LCT: variants seen among roughly 807,000 people sequenced by gnomAD.
LCT encodes lactase, also known as lactase/phlorizin hydrolase.
LCT carries 90 observed loss-of-function variants against 173.0 expected under a neutral mutation model. The observed-to-expected ratio is 0.52, with a 90% confidence interval of 0.44 to 0.62. LCT has a LOEUF of 0.62. Among genes scored for constraint, LCT ranks in the 20% least tolerant of loss-of-function variants. LCT has a pLI of 0.00. For missense variants in LCT, 1,864 were observed against 2,431.4 expected, an observed-to-expected ratio of 0.77 and a Z score of 4.91; for synonymous variants, 853 against 957.6, an observed-to-expected ratio of 0.89 and a Z score of 2.02.
intron 16 of LCT, 67 bp downstream of exon 16, chr2:135,789,504 A>G: frequency 9.1e-7 from 1 of 1,097,124 alleles, no homozygotes; most frequent in Admixed American, 1.8e-5. Context: ...AAGAAAACAG[A>G]CTGAGAGAGG....
intron 9 of LCT, among the ~76,000 whole-genome samples, chr2:135,806,105 C>T (rs368535043): frequency 3.9e-5 from 6 of 152,134 alleles, no homozygotes; most frequent in African/African-American, 1.4e-4. Context: ...CCTGCCTCAG[C>T]CTCCCGAGTA....
At position 135,830,279 on chromosome 2, in the gene LCT, TC is replaced by T. The variant is rs1196409966; in HGVS notation, c.721-604del. Among the ~76,000 whole-genome samples, 6 of 152,188 alleles carry T rather than the reference TC, an allele frequency of 3.9e-5. No individual in the cohort carries two copies. The East Asian group carries it at 9.7e-4, about 25-fold the overall frequency. On this transcript the variant is annotated intron_variant, in intron 2 of 16. Transcript: ENST00000264162. ...ATGGTCCTGGTCGTCGACACCCCCATCCACACTTCTGATGAGGATGTCCCCT... is the reference window on the plus strand; with the variant it reads ...ATGGTCCTGGTCGTCGACACCCCCATCACACTTCTGATGAGGATGTCCCCT...
At chr2:135,792,975 C>G (rs1416545826) in intron 14 of LCT, among the ~76,000 whole-genome samples, 1 of 152,176 alleles carries the variant, frequency 6.6e-6, no homozygotes, top group African/African-American at 2.4e-5. Flanking sequence ...GTGCCACCTC[C>G]TCTCTTGAAA....
At chr2:135,803,042 G>A (rs985596788) in intron 11 of LCT, among the ~76,000 whole-genome samples, 2 of 152,160 alleles carry the variant, frequency 1.3e-5, no homozygotes, top group Admixed American at 1.3e-4. Flanking sequence ...AGCCCAGGAG[G>A]TGGAGGTTGC....
Position 135,800,593 on chromosome 2 carries a change from G to A in LCT, c.4866+14C>T, listed in dbSNP as rs778503426. ...GGACAAGAGTAAGAACAAGCGCCCA[G>A]AGGAAAAACAGACCTGAACATATCT... On this transcript the variant is annotated intron_variant, in intron 12 of 16. Coordinates refer to ENST00000264162, the MANE Select transcript of LCT (RefSeq NM_002299.4). The A allele has an allele frequency of 2.5e-6, 4 of 1,604,022 alleles. No individual in the cohort carries two copies. The highest frequency in any genetic ancestry group is 2.2e-5 in the East Asian group (1 of 44,864).
intron 13 of LCT, among the ~76,000 whole-genome samples, chr2:135,797,734 C>T (rs1441141564): frequency 6.6e-6 from 1 of 152,084 alleles, no homozygotes; most frequent in Non-Finnish European, 1.5e-5. Flanking sequence ...TTCACACGTG[C>T]GGTGATGAAA....
rs745994855 is a variant in LCT at position 135,799,479 on chromosome 2, C to CT, written c.4866+1127dup. On this transcript the variant is annotated intron_variant, in intron 12 of 16. Transcript: ENST00000264162. ...GGTAGGCCATGCTGGCACCTGCTTCCTTTTTTTTTTTTTTTGGAGATGGAG... is the reference window on the plus strand; with the variant it reads ...GGTAGGCCATGCTGGCACCTGCTTCCTTTTTTTTTTTTTTTTGGAGATGGAG... Among the ~76,000 whole-genome samples the CT allele has an allele frequency of 4.6e-3, 659 of 142,284 alleles. 2 individuals are homozygous for CT. The highest frequency in any genetic ancestry group is 0.011 in the African/African-American group (415 of 38,998). The allele number at this position is 142,284 out of a possible 152,430, so 93.3% of individuals were successfully genotyped here.
intron 6 of LCT, among the ~76,000 whole-genome samples, chr2:135,816,272 G>A (rs760294997): frequency 5.9e-5 from 9 of 152,174 alleles, no homozygotes; most frequent in African/African-American, 1.2e-4. Context: ...CTCAGTGAGC[G>A]TATTGAGGAG....
chr2:135,804,000 C>T lies in LCT; in HGVS notation c.4593G>A (p.Lys1531=), dbSNP rs2077648096. Residue 1531 remains lysine, a synonymous_variant, in exon 11 of 17, where the codon AAG becomes AAA. Transcript: ENST00000264162. ...AGGGCTCATTCAGCGTGATCCAAAA[C>T]TTCACCTTGTCTCCCAGCCTCTGGA... The part of the protein sequence containing the change: ...VLFQRLGDKV[K]FWITLNEPFV... 6.2e-7 allele frequency: 1 copy of T among 1,614,092 alleles called. No homozygotes were observed. Among genetic ancestry groups the T allele is most frequent in the African/African-American group, 1.3e-5 (1 of 74,944 alleles).
chr2:135,822,430 T>C, intron 4 of LCT: 1 of 311,652 alleles, frequency 3.2e-6, no homozygotes, highest in Non-Finnish European at 6.1e-6. Flanking sequence ...AGCTCCCAGG[T>C]GATGCTAATG....
intron 1 of LCT, among the ~76,000 whole-genome samples, chr2:135,836,132 C>G (rs140039043): frequency 0.012 from 1,888 of 151,306 alleles, 47 homozygotes; most frequent in African/African-American, 0.044. Context: ...AATTCTCCTG[C>G]CTAAGCCTCC....
chr2:135,819,803 G>T (rs546079816), intron 5 of LCT, among the ~76,000 whole-genome samples: 1 of 152,280 alleles, frequency 6.6e-6, no homozygotes, highest in Non-Finnish European at 1.5e-5. Context: ...TAAACACAGC[G>T]TCCGCTGCTC....
Position 135,794,690 on chromosome 2 carries a change from C to A in LCT, c.5062G>T (p.Ala1688Ser), listed in dbSNP as rs1316101886. The A allele has an allele frequency of 6.2e-7, 1 of 1,613,942 alleles. No homozygotes were observed. Among genetic ancestry groups the A allele is most frequent in the Non-Finnish European group, 8.5e-7 (1 of 1,179,974 alleles). ...FGFNHYTTVL[A>S]YNLNYATAIS... ...GCAGTGGCATAGTTGAGGTTGTAGGCGAGGACAGTGGTGTAGTGATTGAAC... is the reference window on the plus strand; with the variant it reads ...GCAGTGGCATAGTTGAGGTTGTAGGAGAGGACAGTGGTGTAGTGATTGAAC... The change falls in exon 14 of 17, where the codon GCC becomes TCC. Residue 1688 changes from alanine (A) to serine (S), a missense_variant. Physicochemically the swap from Ala to Ser is moderately conservative, Grantham distance 99 (BLOSUM62 1). This residue lies in a region of LCT where 514 missense variants were observed against 750.1 expected (regional missense o/e 0.69). Coordinates refer to ENST00000264162, the MANE Select transcript of LCT (RefSeq NM_002299.4).
intron 5 of LCT, among the ~76,000 whole-genome samples, chr2:135,820,006 G>T (rs990391903): frequency 1.3e-5 from 2 of 152,212 alleles, no homozygotes; most frequent in Admixed American, 6.5e-5. Context: ...CACACCCAGG[G>T]CTCCTAAGTT....
rs548668533 is a variant in LCT at position 135,814,758 on chromosome 2, G to A, written c.1708-1802C>T. 1.3e-4 allele frequency among the ~76,000 whole-genome samples: 20 copies of A among 152,026 alleles called. 1 individual carries two copies. In the East Asian group the frequency reaches 2.7e-3, roughly 21 times the overall value. On this transcript the variant is annotated intron_variant, in intron 6 of 16. Coordinates refer to ENST00000264162, the MANE Select transcript of LCT (RefSeq NM_002299.4). ...TCTCGAACCCCTGATCTCGTGATCC[G>A]CCCGCCTCGGCCTCCCAAAGTGCTG...
chr2:135,836,472 G>A, intron 1 of LCT, 58 bp downstream of exon 1: 1 of 1,483,518 alleles, frequency 6.7e-7, no homozygotes, highest in Non-Finnish European at 9.4e-7. Flanking sequence ...TAAGGAGGAT[G>A]GGGAAGGTGT....
At chr2:135,791,978 A>T (rs1286112224) in intron 14 of LCT, among the ~76,000 whole-genome samples, 3 of 152,248 alleles carry the variant, frequency 2.0e-5, no homozygotes, top group Non-Finnish European at 4.4e-5. Context: ...TACTGCTGGA[A>T]CATACCAGAA....
chr2:135,823,818 G>A, intron 4 of LCT, 83 bp downstream of exon 4: 2 of 932,802 alleles, frequency 2.1e-6, no homozygotes, highest in East Asian at 2.5e-5. Context: ...CCTCCCATTG[G>A]AACCCCGGAC....
Position 135,789,702 on chromosome 2 carries a change from T to C in LCT, c.5432A>G (p.His1811Arg). 1 of 1,614,186 alleles carries C rather than the reference T, an allele frequency of 6.2e-7. No individual in the cohort carries two copies. The highest frequency in any genetic ancestry group is 8.5e-7 in the Non-Finnish European group (1 of 1,180,008). Residue 1811 changes from histidine to arginine, a missense_variant, in exon 16 of 17, where the codon CAT (histidine) becomes CGT (arginine). Transcript: ENST00000264162. ...ATGFSERFGL[H>R]FVNYSDPSLP... Reference sequence around the variant, plus strand: ...AGAAGGGTCACTGTAGTTCACAAAATGCAGACCAAATCTCTCTGAAAAGCC... The same window carrying C: ...AGAAGGGTCACTGTAGTTCACAAAACGCAGACCAAATCTCTCTGAAAAGCC...
Sources: gnomAD v4.1 joint callset for allele counts (sites outside exome capture counted in the v4.1 genomes callset) on GRCh38, gnomAD v4.1.1 for gene constraint, gnomAD v4.1.1 regional missense constraint, MANE v1.5 for transcripts, NCBI Gene and HGNC (gene_info 2026-07-23, HGNC 2026-07-21) for gene names.